Variants in DAB1 observed in about 807,000 individuals in gnomAD.
The protein encoded by DAB1 is disabled homolog 1.
Under a neutral mutation model 64.6 loss-of-function variants are expected in DAB1, and 15 were observed. That is an observed-to-expected ratio of 0.23 (90% CI 0.16 to 0.36). The LOEUF is 0.36. DAB1 is among the 10% of genes least tolerant of loss of function. DAB1 has a pLI of 1.00. For missense variants in DAB1, 596 were observed against 706.7 expected (o/e 0.84, Z 1.78); for synonymous variants, 235 against 251.9 (o/e 0.93, Z 0.64).
intron 6 of DAB1, among the ~76,000 whole-genome samples, chr1:57,687,168 C>A (rs536477476): frequency 6.6e-6 from 1 of 152,150 alleles, no homozygotes; most frequent in African/African-American, 2.4e-5. Flanking sequence ...CAAAAGGCTA[C>A]TAGAACTGAT....
At chr1:58,151,654 C>T (rs1654944691) in intron 4 of DAB1, among the ~76,000 whole-genome samples, 1 of 152,188 alleles carries the variant, frequency 6.6e-6, no homozygotes, top group Admixed American at 6.5e-5. Flanking sequence ...CAGAACGCTG[C>T]CTTACAGGCT....
In DAB1 at chr1:58,147,239, G is replaced by A. The variant is rs150229394; in HGVS notation, n.387+3272C>T. Among the ~76,000 whole-genome samples the A allele has an allele frequency of 3.7e-3, 565 of 151,384 alleles. 18 individuals carry two copies. The East Asian group carries it at 0.071, about 19-fold the overall frequency. ...GGAGAATCACTTGAGCCTGGGAGGC[G>A]GAGGTTGCAGTGAGCTGAGATCATG... is the stretch of plus-strand genomic sequence containing the variant. On this transcript the variant is annotated intron_variant and non_coding_transcript_variant, in intron 5 of 20. Coordinates refer to the DAB1 transcript ENST00000485760.
At chr1:58,367,442 A>C (rs1557741008) in intron 3 of DAB1, among the ~76,000 whole-genome samples, 1 of 152,288 alleles carries the variant, frequency 6.6e-6, no homozygotes, top group East Asian at 1.9e-4. Context: ...TCATGTATCT[A>C]TATGACAGAG....
chr1:57,781,255 A>G lies in DAB1; in HGVS notation n.551+102744T>C, dbSNP rs1049158819. Among the ~76,000 whole-genome samples, 173 of 149,990 alleles carry G rather than the reference A, an allele frequency of 1.2e-3. 1 individual carries two copies. The highest frequency in any genetic ancestry group is 4.0e-3 in the African/African-American group (165 of 41,010). ...TGTTAAAGCTGAATAGTTTCCTATC[A>G]CATAGATACAAACTTTCTCCTATTG... On this transcript the variant is annotated intron_variant and non_coding_transcript_variant, in intron 6 of 20. Transcript: ENST00000485760.
chr1:58,527,436 G>A, intron 1 of DAB1: 1 of 681,646 alleles, frequency 1.5e-6, no homozygotes, highest in Non-Finnish European at 2.7e-6. Flanking sequence ...GGAGTATCTA[G>A]GATAAAATTC....
At chr1:57,238,340 G>C (rs72903203) in intron 2 of DAB1, among the ~76,000 whole-genome samples, 2,287 of 152,306 alleles carry the variant, frequency 0.015, 59 homozygotes, top group African/African-American at 0.052. Context: ...GAGGCTTACA[G>C]CCATGCACCT....
chr1:57,634,741 G>T (rs1646030914), intron 7 of DAB1, among the ~76,000 whole-genome samples: 1 of 152,176 alleles, frequency 6.6e-6, no homozygotes, highest in African/African-American at 2.4e-5. Flanking sequence ...TGAAAATCTT[G>T]TATTCAGGAG....
chr1:57,703,970 A>C (rs572267907), intron 6 of DAB1, among the ~76,000 whole-genome samples: 1 of 152,274 alleles, frequency 6.6e-6, no homozygotes, highest in African/African-American at 2.4e-5. Context: ...CTCACTTATA[A>C]GTGGGAGCTA....
intron 4 of DAB1, among the ~76,000 whole-genome samples, chr1:58,245,487 C>G (rs892219418): frequency 6.6e-6 from 1 of 152,198 alleles, no homozygotes; most frequent in Non-Finnish European, 1.5e-5. Context: ...TCCATCAACT[C>G]TTAAGCTCTG....
intron 5 of DAB1, among the ~76,000 whole-genome samples, chr1:58,109,379 C>G (rs1651844955): frequency 6.6e-6 from 1 of 152,136 alleles, no homozygotes; most frequent in Non-Finnish European, 1.5e-5. Context: ...CACCAACAGA[C>G]TTAAACAAGT....
At chr1:57,004,433 A>G (rs1645988466) in intron 14 of DAB1, among the ~76,000 whole-genome samples, 1 of 152,260 alleles carries the variant, frequency 6.6e-6, no homozygotes, top group Non-Finnish European at 1.5e-5. Flanking sequence ...CTGCATGCTG[A>G]CAAAGGTGAT....
intron 6 of DAB1, among the ~76,000 whole-genome samples, chr1:57,710,879 G>T (rs1647020329): frequency 6.6e-6 from 1 of 152,190 alleles, no homozygotes; most frequent in Admixed American, 6.6e-5. Flanking sequence ...TGGTAGGCCA[G>T]GGAGTCCCTT....
At chr1:57,705,506 G>C (rs61768362) in intron 6 of DAB1, among the ~76,000 whole-genome samples, 2 of 151,928 alleles carry the variant, frequency 1.3e-5, no homozygotes, top group Non-Finnish European at 2.9e-5. Context: ...TTTTCTGTTG[G>C]ATTAGGTTTT....
chr1:58,431,678 C>A (rs190808562), intron 3 of DAB1, among the ~76,000 whole-genome samples: 1 of 151,782 alleles, frequency 6.6e-6, no homozygotes. Context: ...TTAATATATC[C>A]TTTGCAAGTA....
intron 1 of DAB1, among the ~76,000 whole-genome samples, chr1:57,882,420 T>C (rs1217516095): frequency 6.6e-6 from 1 of 152,198 alleles, no homozygotes; most frequent in Non-Finnish European, 1.5e-5. Flanking sequence ...CCTACGTGCT[T>C]GCTCAGTTAC....
intron 4 of DAB1, among the ~76,000 whole-genome samples, chr1:58,219,953 A>G (rs928633244): frequency 1.3e-5 from 2 of 152,252 alleles, no homozygotes; most frequent in African/African-American, 4.8e-5. Flanking sequence ...ATTTTTGTTG[A>G]ATGAAGGCAT....
At chr1:57,409,585 C>A (rs180844320) in intron 1 of DAB1, among the ~76,000 whole-genome samples, 21 of 152,160 alleles carry the variant, frequency 1.4e-4, no homozygotes, top group African/African-American at 5.1e-4. Flanking sequence ...CCGAGGTGGG[C>A]GGATCATGAG....
In DAB1 at chr1:57,831,624, C is replaced by T. The variant is rs1652596074; in HGVS notation, n.88-5169G>A. ...TGACAGGATCATGGCTCACTGCAGC[C>T]TTGACTTTCTGGGGAACAAGTGATC... On this transcript the variant is annotated intron_variant and non_coding_transcript_variant, in intron 1 of 1. Coordinates refer to the DAB1 transcript ENST00000477280. Among the ~76,000 whole-genome samples the T allele has an allele frequency of 2.0e-5, 3 of 148,606 alleles. No individual in the cohort carries two copies. In the Admixed American group the frequency reaches 2.1e-4, roughly 10 times the overall value.
intron 7 of DAB1, among the ~76,000 whole-genome samples, chr1:57,630,856 A>C (rs1268977490): frequency 6.6e-6 from 1 of 152,206 alleles, no homozygotes; most frequent in African/African-American, 2.4e-5. Context: ...TAATTATTCA[A>C]ATTATGTGAA....
Sources: allele counts gnomAD v4.1 joint callset (sites outside exome capture counted in the v4.1 genomes callset), GRCh38; gene constraint gnomAD v4.1.1; transcripts MANE v1.5; gene names NCBI Gene and HGNC (gene_info 2026-07-23, HGNC 2026-07-21).